The following ZBTB25 variants were observed in gnomAD, a reference collection of about 807,000 sequenced individuals.
ZBTB25 encodes the protein zinc finger and BTB domain containing 25.
A neutral mutation model predicts 34.2 loss-of-function variants in ZBTB25; 20 were observed. That is an observed-to-expected ratio of 0.58 (90% CI 0.41 to 0.85). The LOEUF is 0.85. Ranked by LOEUF, ZBTB25 falls within the 40% of genes least tolerant of loss-of-function variation. The pLI, the probability that ZBTB25 is intolerant of heterozygous loss-of-function variation, is 0.00. For missense variants in ZBTB25, 437 were observed against 521.8 expected (o/e 0.84, Z 1.58); for synonymous variants, 175 against 186.4 (o/e 0.94, Z 0.50).
intron 2 of ZBTB25, chr14:64,470,259 A>G (rs1350565892): frequency 1.8e-5 from 3 of 167,126 alleles, no homozygotes. Context: ...GCATATTGAT[A>G]TTAAACGTGA....
intron 2 of ZBTB25, chr14:64,449,746 T>A: frequency 3.5e-6 from 4 of 1,135,910 alleles, no homozygotes; most frequent in Non-Finnish European, 5.1e-6. Context: ...GATTCCCACG[T>A]AGGTGACTTA....
intron 2 of ZBTB25, chr14:64,453,990 T>A: frequency 1.4e-6 from 1 of 703,066 alleles, no homozygotes. Context: ...TTCTCTCCTC[T>A]GAAATACTGA....
chr14:64,459,907 T>C, intron 2 of ZBTB25: 1 of 1,535,832 alleles, frequency 6.5e-7, no homozygotes, highest in Non-Finnish European at 8.7e-7. Context: ...CCAGAAGTCA[T>C]TTTCAGCCTT....
chr14:64,505,084 G>C (rs1035334691), upstream of ZBTB25: 1 of 360,286 alleles, frequency 2.8e-6, no homozygotes, highest in Non-Finnish European at 5.0e-6. Context: ...GACGCGCTGC[G>C]AGGACCCGGT....
At chr14:64,494,293 C>T (rs1232528271) in intron 1 of ZBTB25, among the ~76,000 whole-genome samples, 1 of 152,072 alleles carries the variant, frequency 6.6e-6, no homozygotes, top group Non-Finnish European at 1.5e-5. Flanking sequence ...GACAATAGTA[C>T]AGGAAAGCAG....
rs965482098 is a variant in ZBTB25, at chr14:64,482,667, G to A, written c.*4256C>T. The A allele has an allele frequency of 2.6e-5, 4 of 152,108 alleles. No homozygotes were observed. Among genetic ancestry groups the A allele is most frequent in the Admixed American group, 6.6e-5 (1 of 15,266 alleles). The allele number at this position is 152,108 out of a possible 1,614,324, so 9.4% of individuals were successfully genotyped here. A position where few individuals can be genotyped will look rare whatever the true frequency, so the allele number is the denominator to read the frequency against. Reference sequence around the variant, plus strand: ...GAACAGGAATTCTAGCAACAGTATTGTTTCTAGTTATTTGTAAAAAATAAC... The same window carrying A: ...GAACAGGAATTCTAGCAACAGTATTATTTCTAGTTATTTGTAAAAAATAAC... On this transcript the variant is annotated 3_prime_UTR_variant, in exon 3 of 3. Transcript: ENST00000608382.
Position 64,487,282 on chromosome 14 carries a change from T to C in ZBTB25, c.949A>G (p.Thr317Ala). 1 of 1,614,106 alleles carries C rather than the reference T, an allele frequency of 6.2e-7. No homozygotes were observed. Among genetic ancestry groups the C allele is most frequent in the African/African-American group, 1.3e-5 (1 of 75,060 alleles). The change falls in exon 3 of 3, where the codon ACA becomes GCA. Residue 317 changes from threonine to alanine, a missense_variant. By Grantham distance (58) the Thr-to-Ala change is moderately conservative. Coordinates refer to ENST00000608382, the MANE Select transcript of ZBTB25 (RefSeq NM_006977.5). ...QQPDHTNRGT[T>A]EPLQISQVSL... Reference sequence around the variant, plus strand: ...ACTTGACTGATCTGCAAAGGCTCTGTGGTACCCCGGTTGGTGTGGTCTGGC... The same window carrying C: ...ACTTGACTGATCTGCAAAGGCTCTGCGGTACCCCGGTTGGTGTGGTCTGGC...
Position 64,487,504 on chromosome 14 carries a change from A to C in ZBTB25, c.727T>G (p.Cys243Gly). 6.2e-7 allele frequency: 1 copy of C among 1,614,134 alleles called. No individual in the cohort carries two copies. Among genetic ancestry groups the C allele is most frequent in the Non-Finnish European group, 8.5e-7 (1 of 1,179,948 alleles). ...NSVKIHLCHY[C>G]GERFDSRSNL... ...CTACGGGAATCAAAACGTTCCCCAC[A>C]GTAATGGCATAAGTGTATTTTGACA... Residue 243 changes from cysteine (C) to glycine (G), a missense_variant, in exon 3 of 3, where the codon TGT (cysteine) becomes GGT (glycine). Cys to Gly is a radical substitution (Grantham distance 159). Coordinates refer to ENST00000608382, the MANE Select transcript of ZBTB25 (RefSeq NM_006977.5).
At chr14:64,473,521 T>C (rs1424376425), downstream of ZBTB25, 4 of 167,120 alleles carry the variant, frequency 2.4e-5, no homozygotes, top group Non-Finnish European at 5.9e-5. Flanking sequence ...TTGGCTTCTG[T>C]ATGCAATCCA....
intron 2 of ZBTB25, chr14:64,459,694 G>A: frequency 7.3e-7 from 1 of 1,377,040 alleles, no homozygotes; most frequent in East Asian, 2.5e-5. Context: ...GTGCAGTATG[G>A]AAGGAACAGG....
intron 2 of ZBTB25, among the ~76,000 whole-genome samples, chr14:64,489,230 A>T (rs976738223): frequency 6.6e-6 from 1 of 152,174 alleles, no homozygotes; most frequent in South Asian, 2.1e-4. Context: ...CCTGGGCACC[A>T]CTGCACTCCA....
chr14:64,462,505 T>C (rs1373189824), intron 2 of ZBTB25: 1 of 152,202 alleles, frequency 6.6e-6, no homozygotes, highest in Non-Finnish European at 1.5e-5. Context: ...GCCTTTACCT[T>C]GGTGCTAAGA....
intron 2 of ZBTB25, chr14:64,471,154 C>CTTTTTT (rs377652418): frequency 2.9e-5 from 4 of 136,762 alleles, no homozygotes; most frequent in Non-Finnish European, 4.9e-5. Flanking sequence ...ATTTTCTTTT[C>CTTTTTT]TTTTTTTTTT....
upstream of ZBTB25, chr14:64,504,726 A>C (rs1432246214): frequency 5.4e-6 from 2 of 373,016 alleles, no homozygotes; most frequent in Non-Finnish European, 9.5e-6. Flanking sequence ...GGGCCGGCTC[A>C]GTGCGGTGCG....
intron 2 of ZBTB25, among the ~76,000 whole-genome samples, chr14:64,451,528 A>T (rs781507871): frequency 2.6e-5 from 4 of 152,256 alleles, no homozygotes; most frequent in Non-Finnish European, 4.4e-5. Flanking sequence ...TCTGTTCAGC[A>T]ATCATCCTTT....
At chr14:64,457,741 C>A (rs977598614) in intron 2 of ZBTB25, among the ~76,000 whole-genome samples, 1 of 152,148 alleles carries the variant, frequency 6.6e-6, no homozygotes, top group Admixed American at 6.5e-5. Flanking sequence ...TAGGCATGAG[C>A]CACCACGCCC....
At chr14:64,488,830 T>G (rs889317781) in intron 2 of ZBTB25, among the ~76,000 whole-genome samples, 4 of 152,258 alleles carry the variant, frequency 2.6e-5, no homozygotes, top group African/African-American at 9.6e-5. Flanking sequence ...TAGACAGTGG[T>G]AATGGTTGTA....
intron 2 of ZBTB25, chr14:64,459,901 A>G: frequency 6.5e-7 from 1 of 1,536,078 alleles, no homozygotes; most frequent in South Asian, 1.2e-5. Flanking sequence ...GTTTCCCCAG[A>G]AGTCATTTTC....
At chr14:64,458,237 C>A (rs375411709) in intron 2 of ZBTB25, 13 of 1,613,032 alleles carry the variant, frequency 8.1e-6, no homozygotes, top group Non-Finnish European at 1.0e-5. Context: ...CTGGACTCCC[C>A]ACCCGGCCCT....
Sources: allele counts gnomAD v4.1 joint callset (sites outside exome capture counted in the v4.1 genomes callset), GRCh38; gene constraint gnomAD v4.1.1; transcripts MANE v1.5; gene names NCBI Gene and HGNC (gene_info 2026-07-23, HGNC 2026-07-21).